Variants in DAB1 observed in about 807,000 individuals in gnomAD.
DAB1 encodes DAB adaptor protein 1, also known as disabled homolog 1.
In DAB1, 15 loss-of-function variants were observed where a neutral mutation model predicts 64.6. The ratio of observed to expected loss-of-function variants is 0.23; its 90% confidence interval spans 0.16 to 0.36. DAB1 has a LOEUF of 0.36. DAB1 is among the 10% of genes least tolerant of loss of function. DAB1 has a pLI of 1.00. For synonymous variants in DAB1, 235 were observed against 251.9 expected (o/e 0.93, Z 0.64); for missense variants, 596 against 706.7 (o/e 0.84, Z 1.78).
At chr1:57,020,913 C>T (rs1646595071) in intron 11 of DAB1, among the ~76,000 whole-genome samples, 2 of 152,144 alleles carry the variant, frequency 1.3e-5, no homozygotes, top group South Asian at 4.1e-4. Flanking sequence ...CAAACCTGGC[C>T]CATTAGATTC....
At chr1:58,520,458 C>A (rs1646244740) in intron 2 of DAB1, among the ~76,000 whole-genome samples, 1 of 152,024 alleles carries the variant, frequency 6.6e-6, no homozygotes, top group South Asian at 2.1e-4. Flanking sequence ...TGCCAATAGA[C>A]ACATAAAAAT....
intron 7 of DAB1, among the ~76,000 whole-genome samples, chr1:57,461,459 C>T (rs924570562): frequency 2.0e-5 from 3 of 152,154 alleles, no homozygotes; most frequent in Non-Finnish European, 2.9e-5. Flanking sequence ...CATTACACCC[C>T]TCCTCCCTCC....
At chr1:57,239,557 C>G (rs966277376) in intron 2 of DAB1, among the ~76,000 whole-genome samples, 3 of 152,258 alleles carry the variant, frequency 2.0e-5, no homozygotes, top group Non-Finnish European at 4.4e-5. Flanking sequence ...GACCTATAGC[C>G]GGCCTTTCAC....
chr1:57,754,780 A>G (rs1365222767), intron 6 of DAB1, among the ~76,000 whole-genome samples: 1 of 152,194 alleles, frequency 6.6e-6, no homozygotes, highest in East Asian at 1.9e-4. Flanking sequence ...TCTCACAGCT[A>G]GTGAGAGCAG....
intron 5 of DAB1, among the ~76,000 whole-genome samples, chr1:58,110,274 C>T (rs1557654064): frequency 6.6e-6 from 1 of 151,566 alleles, no homozygotes. Flanking sequence ...AAACACAATA[C>T]TTTTTTTTTA....
At chr1:57,561,746 T>C (rs1362866683) in intron 7 of DAB1, among the ~76,000 whole-genome samples, 1 of 152,158 alleles carries the variant, frequency 6.6e-6, no homozygotes, top group Non-Finnish European at 1.5e-5. Context: ...AACATGGACT[T>C]CCACTCACCA....
chr1:57,023,658 C>G lies in DAB1; in HGVS notation c.787-19G>C. Reference sequence around the variant, plus strand: ...CAGGAGTCTGCCAGACAGAGAGAGGCAGAGGACACATGAGACCTGGCTTAG... The same window carrying G: ...CAGGAGTCTGCCAGACAGAGAGAGGGAGAGGACACATGAGACCTGGCTTAG... On this transcript the variant is annotated intron_variant, in intron 10 of 14. Transcript: ENST00000371236. The G allele has an allele frequency of 3.3e-6, 5 of 1,515,186 alleles. No homozygotes were observed. Among genetic ancestry groups the G allele is most frequent in the Non-Finnish European group, 4.6e-6 (5 of 1,094,828 alleles). 93.9% of individuals were successfully genotyped at this position (1,515,186 alleles called of 1,614,324 possible).
intron 7 of DAB1, among the ~76,000 whole-genome samples, chr1:57,591,171 G>A (rs1645441890): frequency 6.6e-6 from 1 of 152,174 alleles, no homozygotes; most frequent in African/African-American, 2.4e-5. Flanking sequence ...GAGCTGTGAA[G>A]TCAGACAGAT....
At chr1:57,877,103 T>C (rs945865934) in intron 1 of DAB1, among the ~76,000 whole-genome samples, 1 of 152,148 alleles carries the variant, frequency 6.6e-6, no homozygotes, top group African/African-American at 2.4e-5. Context: ...TATGATTACA[T>C]TTAGTGTCAC....
chr1:57,006,953 C>T (rs551735639), intron 14 of DAB1, among the ~76,000 whole-genome samples: 8 of 152,194 alleles, frequency 5.3e-5, no homozygotes, highest in African/African-American at 1.4e-4. Flanking sequence ...AGAAATCAGA[C>T]CTAAGGCCCC....
intron 7 of DAB1, among the ~76,000 whole-genome samples, chr1:57,449,874 T>C (rs907990682): frequency 6.6e-6 from 1 of 152,212 alleles, no homozygotes; most frequent in African/African-American, 2.4e-5. Flanking sequence ...ATTTGTTAGG[T>C]TAGTTTTATT....
At chr1:58,237,299 C>T (rs1227112241) in intron 4 of DAB1, among the ~76,000 whole-genome samples, 2 of 152,136 alleles carry the variant, frequency 1.3e-5, no homozygotes, top group African/African-American at 4.8e-5. Flanking sequence ...GATGAAAATG[C>T]ATGTACTCTA....
chr1:57,314,673 C>A (rs1465706212), intron 1 of DAB1, among the ~76,000 whole-genome samples: 1 of 151,878 alleles, frequency 6.6e-6, no homozygotes, highest in African/African-American at 2.4e-5. Flanking sequence ...GTCCCAACTA[C>A]TTGGGAAGTT....
intron 5 of DAB1, among the ~76,000 whole-genome samples, chr1:57,970,873 A>C (rs1645779841): frequency 6.6e-6 from 1 of 152,156 alleles, no homozygotes. Flanking sequence ...TTCCTATGAG[A>C]GACAAAAAAA....
chr1:57,585,138 A>T (rs140371412), intron 7 of DAB1, among the ~76,000 whole-genome samples: 2,216 of 150,130 alleles, frequency 0.015, 67 homozygotes, highest in African/African-American at 0.048. Flanking sequence ...AATGCCAGCT[A>T]CTCGGGAGGC....
At chr1:57,871,820 T>A (rs1358546770) in intron 1 of DAB1, among the ~76,000 whole-genome samples, 4 of 152,178 alleles carry the variant, frequency 2.6e-5, no homozygotes, top group Non-Finnish European at 5.9e-5. Flanking sequence ...TATACATGTA[T>A]GGGTATGTGT....
At chr1:57,330,437 T>A (rs1206532547) in intron 1 of DAB1, among the ~76,000 whole-genome samples, 1 of 152,152 alleles carries the variant, frequency 6.6e-6, no homozygotes, top group African/African-American at 2.4e-5. Flanking sequence ...CCTTGCTGTA[T>A]CATTTACTAG....
intron 2 of DAB1, among the ~76,000 whole-genome samples, chr1:57,287,027 C>T (rs1220622839): frequency 1.3e-5 from 2 of 152,122 alleles, no homozygotes; most frequent in Non-Finnish European, 2.9e-5. Flanking sequence ...AATTTAAAAA[C>T]ACTTCCTAGA....
chr1:58,493,959 AG>A (rs1645747649), intron 3 of DAB1, among the ~76,000 whole-genome samples: 1 of 146,714 alleles, frequency 6.8e-6, no homozygotes, highest in African/African-American at 2.5e-5. Flanking sequence ...CTCATTGCCA[AG>A]TCAATCCTAA....
Sources: allele counts gnomAD v4.1 joint callset (sites outside exome capture counted in the v4.1 genomes callset), GRCh38; gene constraint gnomAD v4.1.1; transcripts MANE v1.5; gene names NCBI Gene and HGNC (gene_info 2026-07-23, HGNC 2026-07-21).